Variants in HUWE1 observed in about 807,000 individuals in gnomAD.
HUWE1 encodes E3 ubiquitin-protein ligase HUWE1.
HUWE1 carries 18 observed loss-of-function variants against 299.4 expected under a neutral mutation model. The observed-to-expected ratio is 0.06, with a 90% confidence interval of 0.04 to 0.09. HUWE1 has a LOEUF of 0.09. HUWE1 is among the 10% of genes least tolerant of loss of function. HUWE1 has a pLI of 1.00. For synonymous variants in HUWE1, 1,317 were observed against 1,286.1 expected (o/e 1.02, Z -0.51); for missense variants, 1,832 against 3,462.3 (o/e 0.53, Z 11.82).
At chrX:53,576,266 T>G (rs2063100100) in intron 44 of HUWE1, among the ~76,000 whole-genome samples, 1 of 111,905 alleles carries the variant, frequency 8.9e-6, no homozygotes, top group African/African-American at 3.3e-5. Flanking sequence ...TGTGGACCTA[T>G]CAAATAAGTA....
rs111250792 is a variant in HUWE1, at chrX:53,549,842, C to G, written c.9489-337G>C. Among the ~76,000 whole-genome samples the G allele has an allele frequency of 3.8e-3, 419 of 109,031 alleles. 2 individuals are homozygous for G. The highest frequency in any genetic ancestry group is 0.014 in the African/African-American group (407 of 29,854). The allele number at this position is 109,031 out of a possible 115,157, so 94.7% of individuals were successfully genotyped here. ...TACCGGCTCACTGCAACCTCCACCCCCTAGGATTCAAGTGATTCTCGTGCC... is the reference window on the plus strand; with the variant it reads ...TACCGGCTCACTGCAACCTCCACCCGCTAGGATTCAAGTGATTCTCGTGCC... On this transcript the variant is annotated intron_variant, in intron 66 of 83. Coordinates refer to ENST00000262854, the MANE Select transcript of HUWE1 (RefSeq NM_031407.7).
rs1556972144 is a variant in HUWE1 at position 53,585,188 on chromosome X, A to G, written c.4825T>C (p.Tyr1609His). The change falls in exon 40 of 84, where the codon TAC (tyrosine) becomes CAC (histidine). Residue 1609 changes from tyrosine to histidine, a missense_variant and splice_region_variant. Coordinates refer to ENST00000262854, the MANE Select transcript of HUWE1 (RefSeq NM_031407.7). ...CAGTTGTTGCTGTTGGATTGCAGGTACTAAACATAAAAGTACAAAGTTTCT... is the reference window on the plus strand; with the variant it reads ...CAGTTGTTGCTGTTGGATTGCAGGTGCTAAACATAAAAGTACAAAGTTTCT... ...SSKRRAQMTK[Y>H]LQSNSNNWRW... 3 of 1,210,910 alleles carry G rather than the reference A, an allele frequency of 2.5e-6. No individual in the cohort carries two copies. The highest frequency in any genetic ancestry group is 3.4e-6 in the Non-Finnish European group (3 of 894,411).
chrX:53,671,993 A>AC (rs2069570799), intron 3 of HUWE1, among the ~76,000 whole-genome samples: 1 of 109,471 alleles, frequency 9.1e-6, no homozygotes, highest in Non-Finnish European at 1.9e-5. Flanking sequence ...AAACTGGTTA[A>AC]ATAAATTCTG....
intron 19 of HUWE1, among the ~76,000 whole-genome samples, chrX:53,619,104 G>T (rs1326816178): frequency 9.0e-6 from 1 of 111,358 alleles, no homozygotes; most frequent in Non-Finnish European, 1.9e-5. Flanking sequence ...GAAACCAGAG[G>T]ATTTTCTATT....
At chrX:53,625,411 T>TA (rs1363433433) in intron 17 of HUWE1, 153 bp from the exon 18 acceptor site, 1 of 414,937 alleles carries the variant, frequency 2.4e-6, no homozygotes, top group Non-Finnish European at 4.3e-6. Flanking sequence ...GAAGAATACT[T>TA]AATTAAGCTT....
Position 53,603,451 on chromosome X carries a change from C to T in HUWE1, c.2793G>A (p.Leu931=). 1 of 1,209,052 alleles carries T rather than the reference C, an allele frequency of 8.3e-7. No individual in the cohort carries two copies. The highest frequency in any genetic ancestry group is 1.1e-6 in the Non-Finnish European group (1 of 893,036). ...SVNQWGSQLG[L]SVLSKLSQLY... ...ACTGGCTCAGCTTGCTCAAAACACT[C>T]AGACCCAATTGAGAGCCCCACTGGT... is the stretch of plus-strand genomic sequence containing the variant. The change falls in exon 27 of 84, where the codon CTG becomes CTA. Residue 931 remains leucine, a synonymous_variant. Coordinates refer to ENST00000262854, the MANE Select transcript of HUWE1 (RefSeq NM_031407.7).
rs147610396 is a variant in HUWE1, at chrX:53,682,492, A to G, written c.-162-2306T>C. ...ACAAATGATAGGGAATTAACTGCCTATAGTAACGGTGGCATGGGGGGAAGA... is the reference window on the plus strand; with the variant it reads ...ACAAATGATAGGGAATTAACTGCCTGTAGTAACGGTGGCATGGGGGGAAGA... On this transcript the variant is annotated intron_variant, in intron 2 of 83. Transcript: ENST00000262854. 1.2e-3 allele frequency among the ~76,000 whole-genome samples: 129 copies of G among 111,284 alleles called. No homozygotes were observed. The East Asian group carries it at 0.034, about 29-fold the overall frequency.
rs181181295 is a variant in HUWE1 at position 53,614,327 on chromosome X, C to T, written c.2261+207G>A. On this transcript the variant is annotated intron_variant, in intron 23 of 83. Coordinates refer to ENST00000262854, the MANE Select transcript of HUWE1 (RefSeq NM_031407.7). Reference sequence around the variant, plus strand: ...TTTAAAAAAAGATCACTTCCTAAGGCAACCAATACAATTAAATACCAAAGC... The same window carrying T: ...TTTAAAAAAAGATCACTTCCTAAGGTAACCAATACAATTAAATACCAAAGC... Among the ~76,000 whole-genome samples the T allele has an allele frequency of 1.7e-3, 184 of 111,411 alleles. 2 individuals carry two copies. Among genetic ancestry groups the T allele is most frequent in the African/African-American group, 5.9e-3 (180 of 30,658 alleles).
Position 53,625,865 on chromosome X carries a change from GGGGCCGGGGCCGGGGCCA to G in HUWE1, c.1490-625_1490-608del, listed in dbSNP as rs2066462315. 23 of 236,197 alleles carry G rather than the reference GGGGCCGGGGCCGGGGCCA, an allele frequency of 9.7e-5. 3 individuals carry two copies. Among genetic ancestry groups the G allele is most frequent in the Admixed American group, 2.4e-4 (5 of 21,272 alleles). 19.5% of individuals were successfully genotyped at this position (236,197 alleles called of 1,213,427 possible). On this transcript the variant is annotated intron_variant, in intron 17 of 83. Transcript: ENST00000262854. ...CGGGGCCGGGGCCAGGGCCGGGGCC[GGGGCCGGGGCCGGGGCCA>G]GGGCCGGTGCCGGGGCCGGGACTGG...
At chrX:53,673,169 GAACT>G (rs782728855) in intron 3 of HUWE1, among the ~76,000 whole-genome samples, 1 of 111,594 alleles carries the variant, frequency 9.0e-6, no homozygotes, top group East Asian at 2.8e-4. Context: ...CATCGGTTTT[GAACT>G]TTTACTTACA....
intron 64 of HUWE1, 37 bp from the exon 65 acceptor site, chrX:53,551,226 T>C (rs782472384): frequency 5.0e-6 from 6 of 1,210,900 alleles, no homozygotes; most frequent in Non-Finnish European, 6.7e-6. Context: ...GCATTTCTCC[T>C]GCCAGGCAGC....
chrX:53,578,290 A>G (rs1602782033), intron 43 of HUWE1, among the ~76,000 whole-genome samples: 1 of 96,449 alleles, frequency 1.0e-5, no homozygotes, highest in Admixed American at 1.1e-4. Context: ...TCCGTCCGGC[A>G]GCCACCCCGT....
intron 2 of HUWE1, among the ~76,000 whole-genome samples, chrX:53,684,675 G>T (rs782465889): frequency 4.5e-5 from 5 of 112,179 alleles, no homozygotes; most frequent in African/African-American, 9.7e-5. Context: ...TATTATCCTG[G>T]ACTAACATTT....
At chrX:53,642,109 A>G (rs1478133686) in intron 7 of HUWE1, among the ~76,000 whole-genome samples, 2 of 111,584 alleles carry the variant, frequency 1.8e-5, no homozygotes, top group Non-Finnish European at 3.8e-5. Context: ...CTCTCTTAAT[A>G]TATCTTATTG....
At chrX:53,571,908 C>T (rs2062847482) in intron 47 of HUWE1, among the ~76,000 whole-genome samples, 1 of 111,942 alleles carries the variant, frequency 8.9e-6, no homozygotes, top group Admixed American at 9.5e-5. Context: ...GAACAACTAT[C>T]ATACTCTAGA....
At position 53,575,172 on chromosome X, in the gene HUWE1, C is replaced by A; in HGVS notation, c.6080G>T (p.Gly2027Val). 1 of 1,203,879 alleles carries A rather than the reference C, an allele frequency of 8.3e-7. No homozygotes were observed. The highest frequency in any genetic ancestry group is 1.1e-6 in the Non-Finnish European group (1 of 889,225). The stretch of plus-strand genomic sequence containing the variant: ...ATCATTACCCTCTCCTTGGGAGGTC[C>A]CAGATGCGGAAGTCTCAGTGGAGGC... ...DGASTETSAS[G>V]TSQGEASTPE... is the part of the protein sequence containing the mutation. The change falls in exon 46 of 84, where the codon GGG becomes GTG. Residue 2027 changes from glycine to valine, a missense_variant. Physicochemically the swap from Gly to Val is moderately radical, Grantham distance 109. Around this residue, in one of 15 missense-constraint regions of HUWE1, gnomAD observed 157 missense variants for 252.3 expected, o/e 0.62. Transcript: ENST00000262854.
intron 63 of HUWE1, among the ~76,000 whole-genome samples, chrX:53,551,900 T>C (rs2061783642): frequency 9.0e-6 from 1 of 111,611 alleles, no homozygotes; most frequent in Non-Finnish European, 1.9e-5. Context: ...ATGTCTTCAC[T>C]GCTTGCAAGA....
intron 55 of HUWE1, among the ~76,000 whole-genome samples, chrX:53,560,621 C>G (rs1556940177): frequency 9.0e-6 from 1 of 111,285 alleles, no homozygotes; most frequent in Non-Finnish European, 1.9e-5. Context: ...GCAACGGCCT[C>G]CTAAATAGTA....
At chrX:53,583,205 G>GTTTGT in intron 42 of HUWE1, among the ~76,000 whole-genome samples, 1 of 109,495 alleles carries the variant, frequency 9.1e-6, no homozygotes, top group Non-Finnish European at 1.9e-5. Context: ...GAACACCCGA[G>GTTTGT]AGGTACTCCT....
Sources: gnomAD v4.1 joint callset for allele counts (sites outside exome capture counted in the v4.1 genomes callset) on GRCh38, gnomAD v4.1.1 for gene constraint, gnomAD v4.1.1 regional missense constraint, MANE v1.5 for transcripts, NCBI Gene and HGNC (gene_info 2026-07-23, HGNC 2026-07-21) for gene names.